Variants in CNTN6 observed in about 807,000 individuals in gnomAD.
CNTN6 encodes contactin-6.
CNTN6 carries 137 observed loss-of-function variants against 122.8 expected under a neutral mutation model. The ratio of observed to expected loss-of-function variants is 1.12; its 90% CI spans 0.97 to 1.29. The LOEUF (loss-of-function observed/expected upper bound fraction) is 1.29, where lower values mean the gene tolerates loss of function less well. CNTN6 is among the 50% of genes most tolerant of loss of function. CNTN6 has a pLI of 0.00. For synonymous variants in CNTN6, 570 were observed against 426.0 expected (o/e 1.34, Z -4.16); for missense variants, 1,634 against 1,223.4 (o/e 1.34, Z -5.01).
chr3:1,109,171 A>G (rs1449879849), intron 1 of CNTN6, among the ~76,000 whole-genome samples: 1 of 152,092 alleles, frequency 6.6e-6, no homozygotes, highest in Non-Finnish European at 1.5e-5. Context: ...ATTTGATATT[A>G]TGATCCCCGA....
At chr3:1,196,313 T>G (rs2093777710) in intron 2 of CNTN6, among the ~76,000 whole-genome samples, 1 of 152,182 alleles carries the variant, frequency 6.6e-6, no homozygotes, top group Non-Finnish European at 1.5e-5. Flanking sequence ...CAGTGTGCTT[T>G]GAGTAAGGCT....
intron 11 of CNTN6, among the ~76,000 whole-genome samples, chr3:1,341,712 T>A (rs542724999): frequency 3.6e-4 from 55 of 152,312 alleles, no homozygotes; most frequent in African/African-American, 1.2e-3. Flanking sequence ...GGTGACACAT[T>A]ATGATAAATT....
At chr3:1,129,392 G>A (rs1056692877) in intron 1 of CNTN6, among the ~76,000 whole-genome samples, 2 of 151,978 alleles carry the variant, frequency 1.3e-5, no homozygotes, top group Admixed American at 1.3e-4. Context: ...CCGTTGGTGT[G>A]ACCAAAATTT....
chr3:1,401,309 G>C (rs1254815626), intron 20 of CNTN6, 124 bp from the exon 21 acceptor site: 15 of 717,700 alleles, frequency 2.1e-5, no homozygotes, highest in Non-Finnish European at 3.6e-5. Context: ...AAATGACACT[G>C]AAGACATTTT....
chr3:1,336,039 G>T (rs920510283), intron 11 of CNTN6, among the ~76,000 whole-genome samples: 2 of 136,258 alleles, frequency 1.5e-5, no homozygotes, highest in African/African-American at 2.6e-5. Context: ...AACAGAGGGA[G>T]ACCCTGTTTC....
At chr3:1,312,747 A>AG (rs1225865338) in intron 7 of CNTN6, among the ~76,000 whole-genome samples, 2 of 151,792 alleles carry the variant, frequency 1.3e-5, no homozygotes, top group East Asian at 3.9e-4. Context: ...TAATTCATGC[A>AG]GGGGGAGCAA....
At chr3:1,152,045 C>G (rs1284492958) in intron 2 of CNTN6, among the ~76,000 whole-genome samples, 2 of 152,096 alleles carry the variant, frequency 1.3e-5, no homozygotes, top group South Asian at 2.1e-4. Context: ...CGGAGAAAAA[C>G]TTATAACTGT....
chr3:1,118,872 C>CAAACA (rs780465667), intron 1 of CNTN6, among the ~76,000 whole-genome samples: 1 of 151,540 alleles, frequency 6.6e-6, no homozygotes, highest in Admixed American at 6.6e-5. Context: ...AAAAAAAAAA[C>CAAACA]AAACAAAACA....
rs139645898 is a variant in CNTN6 at position 1,372,391 on chromosome 3, A to C, written c.1585A>C (p.Ile529Leu). Residue 529 changes from isoleucine to leucine, a missense_variant, in exon 13 of 23, where the codon ATT (isoleucine) becomes CTT (leucine). Coordinates refer to ENST00000446702, the MANE Select transcript of CNTN6 (RefSeq NM_001289080.2). ...ATGCCAGGTGTCCCATGACCCCTCC[A>C]TTGAAGTGGTATTTGTATGGTTTTT... ...LPCQVSHDPS[I>L]EVVFVWFFNG... 1.1e-3 allele frequency: 1,839 copies of C among 1,613,418 alleles called. 2 individuals are homozygous for C. The highest frequency in any genetic ancestry group is 1.4e-3 in the Non-Finnish European group (1,601 of 1,179,558).
intron 12 of CNTN6, among the ~76,000 whole-genome samples, chr3:1,361,902 C>T (rs377004102): frequency 6.6e-6 from 1 of 152,030 alleles, no homozygotes; most frequent in Non-Finnish European, 1.5e-5. Flanking sequence ...TTGTCAATTC[C>T]TAAGCAGTAT....
intron 2 of CNTN6, among the ~76,000 whole-genome samples, chr3:1,152,426 A>T (rs1283542789): frequency 6.6e-6 from 1 of 152,168 alleles, no homozygotes; most frequent in African/African-American, 2.4e-5. Flanking sequence ...GGCATGAGAC[A>T]TCACAACCGG....
rs369254276 is a variant in CNTN6 at position 1,297,954 on chromosome 3, G to A, written c.724G>A (p.Asp242Asn). The A allele has an allele frequency of 3.5e-5, 56 of 1,612,294 alleles. No individual in the cohort carries two copies. In the South Asian group the frequency reaches 6.1e-4, roughly 18 times the overall value. The change falls in exon 7 of 23, where the codon GAT (aspartate) becomes AAT (asparagine). Residue 242 changes from aspartate to asparagine, a missense_variant. By Grantham distance (23) the Asp-to-Asn change is conservative (BLOSUM62 1). Coordinates refer to ENST00000446702, the MANE Select transcript of CNTN6 (RefSeq NM_001289080.2). ...TCCTGAAACTATACAAGCTGCAAAG[G>A]ATTCATCTGTAAAACTGGAATGTTT... is the stretch of plus-strand genomic sequence containing the variant. ...RFPETIQAAK[D>N]SSVKLECFAL... is the part of the protein sequence containing the mutation.
intron 12 of CNTN6, among the ~76,000 whole-genome samples, chr3:1,364,276 A>G (rs1321041347): frequency 6.6e-6 from 1 of 151,922 alleles, no homozygotes; most frequent in African/African-American, 2.4e-5. Context: ...TTTGTCACCT[A>G]TTTGAAGTGC....
chr3:1,176,281 G>T (rs546261404), intron 2 of CNTN6, among the ~76,000 whole-genome samples: 56 of 152,310 alleles, frequency 3.7e-4, no homozygotes, highest in African/African-American at 1.3e-3. Context: ...GCTGGATATG[G>T]TGGTGAATGC....
At chr3:1,384,776 T>TAC (rs1692571591) in intron 19 of CNTN6, among the ~76,000 whole-genome samples, 2 of 96,680 alleles carry the variant, frequency 2.1e-5, no homozygotes, top group South Asian at 2.9e-4. Context: ...TATACACATA[T>TAC]ATATATATAT....
chr3:1,293,648 C>T (rs1177199543), intron 5 of CNTN6, among the ~76,000 whole-genome samples: 1 of 152,136 alleles, frequency 6.6e-6, no homozygotes, highest in East Asian at 1.9e-4. Context: ...CTCCAAGATG[C>T]ATAAACTACT....
intron 2 of CNTN6, among the ~76,000 whole-genome samples, chr3:1,192,802 T>C (rs1365275690): frequency 6.6e-6 from 1 of 152,140 alleles, no homozygotes; most frequent in Non-Finnish European, 1.5e-5. Flanking sequence ...GATATTTCTC[T>C]TTTATTTTTG....
chr3:1,297,638 C>CTTTTTTTTTTTT (rs71303106), intron 6 of CNTN6, among the ~76,000 whole-genome samples: 1 of 138,544 alleles, frequency 7.2e-6, no homozygotes, highest in Non-Finnish European at 1.6e-5. Context: ...TTGTTTTTTT[C>CTTTTTTTTTTTT]TTTTTTTTTT....
intron 1 of CNTN6, among the ~76,000 whole-genome samples, chr3:1,141,551 T>G (rs115291822): frequency 0.011 from 1,746 of 152,264 alleles, 25 homozygotes; most frequent in Non-Finnish European, 0.016. Context: ...TAGTAGTAGT[T>G]TCTACTTTTC....
Sources: gnomAD v4.1 joint callset for allele counts (sites outside exome capture counted in the v4.1 genomes callset) on GRCh38, gnomAD v4.1.1 for gene constraint, MANE v1.5 for transcripts, NCBI Gene and HGNC (gene_info 2026-07-23, HGNC 2026-07-21) for gene names.